ZBTB16: variants seen among roughly 807,000 people sequenced by gnomAD.
The protein encoded by ZBTB16 is zinc finger and BTB domain containing 16.
In ZBTB16, 8 loss-of-function variants were observed where a neutral mutation model predicts 56.8. That is an observed-to-expected ratio of 0.14 (90% confidence interval 0.08 to 0.25). The LOEUF is 0.25. Ranked by LOEUF, ZBTB16 falls within the 10% of genes least tolerant of loss-of-function variation. The pLI is 1.00. For synonymous variants in ZBTB16, 363 were observed against 368.5 expected, an observed-to-expected ratio of 0.98 and a Z score of 0.17; for missense variants, 625 against 903.0, an observed-to-expected ratio of 0.69 and a Z score of 3.95.
At position 114,242,269 on chromosome 11, in the gene ZBTB16, T is replaced by G; in HGVS notation, c.1556T>G (p.Ile519Ser). The change falls in exon 5 of 7, where the codon ATC becomes AGC. Residue 519 changes from isoleucine to serine, a missense_variant. Coordinates refer to ENST00000335953, the MANE Select transcript of ZBTB16 (RefSeq NM_006006.6). ...MEVHAGVRSY[I>S]CSECNRTFPS... Reference sequence around the variant, plus strand: ...GTCCACGCGGGCGTGCGCAGCTACATCTGCAGTGAGTGCAACCGCACCTTC... The same window carrying G: ...GTCCACGCGGGCGTGCGCAGCTACAGCTGCAGTGAGTGCAACCGCACCTTC... 1 of 1,614,114 alleles carries G rather than the reference T, an allele frequency of 6.2e-7. No individual in the cohort carries two copies. The highest frequency in any genetic ancestry group is 8.5e-7 in the Non-Finnish European group (1 of 1,180,042).
At chr11:114,249,040 A>C (rs1227943514) in intron 6 of ZBTB16, among the ~76,000 whole-genome samples, 1 of 152,096 alleles carries the variant, frequency 6.6e-6, no homozygotes, top group Non-Finnish European at 1.5e-5. Context: ...CTATGGAAGG[A>C]AAGTTGGGGT....
At position 114,212,849 on chromosome 11, in the gene ZBTB16, C is replaced by T. The variant is rs114245286; in HGVS notation, c.1453+25811C>T. On this transcript the variant is annotated intron_variant, in intron 4 of 6. Coordinates refer to ENST00000335953, the MANE Select transcript of ZBTB16 (RefSeq NM_006006.6). ...GCAGGCAGTCCGTGCTCACGTGTGC[C>T]GGAGGAATTGCTGTGGGTCCCTTTT... Among the ~76,000 whole-genome samples the T allele has an allele frequency of 4.5e-3, 691 of 152,082 alleles. 3 individuals are homozygous for T. The highest frequency in any genetic ancestry group is 0.016 in the African/African-American group (666 of 41,486).
At chr11:114,235,629 C>CTTTCTTTCTTTCTTTCTTTCTTT (rs1944551537) in intron 4 of ZBTB16, among the ~76,000 whole-genome samples, 5 of 97,792 alleles carry the variant, frequency 5.1e-5, no homozygotes, top group African/African-American at 4.2e-5. Context: ...CCTCTCCCTT[C>CTTTCTTTCTTTCTTTCTTTCTTT]CTTTCTTTCT....
intron 2 of ZBTB16, among the ~76,000 whole-genome samples, chr11:114,109,667 T>C (rs1051680876): frequency 3.8e-4 from 43 of 111,690 alleles, no homozygotes; most frequent in African/African-American, 1.4e-3. Context: ...AACTTGGGGG[T>C]GGGGGAGATA....
chr11:114,088,338 C>T (rs1940040687), intron 2 of ZBTB16, among the ~76,000 whole-genome samples: 1 of 152,006 alleles, frequency 6.6e-6, no homozygotes, highest in Admixed American at 6.6e-5. Flanking sequence ...GATGCGGTTT[C>T]GCCATGCTGG....
At chr11:114,150,836 G>A (rs1193193179) in intron 2 of ZBTB16, among the ~76,000 whole-genome samples, 4 of 152,268 alleles carry the variant, frequency 2.6e-5, no homozygotes, top group Middle Eastern at 3.4e-3. Context: ...TTGCTTTTGC[G>A]GCTGAGAGCA....
chr11:114,243,642 C>A (rs1944757349), intron 5 of ZBTB16, among the ~76,000 whole-genome samples: 1 of 152,228 alleles, frequency 6.6e-6, no homozygotes, highest in Admixed American at 6.5e-5. Flanking sequence ...CAAGGACTTT[C>A]TCTACAGCGA....
chr11:114,192,817 A>G (rs1175352674), intron 4 of ZBTB16, among the ~76,000 whole-genome samples: 2 of 152,208 alleles, frequency 1.3e-5, no homozygotes, highest in African/African-American at 4.8e-5. Flanking sequence ...CCACTCTGAG[A>G]GTTCTAATCT....
chr11:114,162,898 G>A (rs750083503), intron 3 of ZBTB16, among the ~76,000 whole-genome samples: 32 of 152,242 alleles, frequency 2.1e-4, no homozygotes, highest in Admixed American at 1.4e-3. Flanking sequence ...TCCCTACTCT[G>A]AATTTGGCTT....
chr11:114,119,629 G>C (rs967748289), intron 2 of ZBTB16, among the ~76,000 whole-genome samples: 1 of 152,180 alleles, frequency 6.6e-6, no homozygotes, highest in African/African-American at 2.4e-5. Context: ...GAAAACTTCT[G>C]TTTGGGTCTC....
chr11:114,200,502 A>T (rs1943713868), intron 4 of ZBTB16, among the ~76,000 whole-genome samples: 1 of 152,190 alleles, frequency 6.6e-6, no homozygotes, highest in Non-Finnish European at 1.5e-5. Flanking sequence ...GACACCACTA[A>T]GGGGGGCTTC....
intron 4 of ZBTB16, among the ~76,000 whole-genome samples, chr11:114,213,203 T>A (rs1944030272): frequency 6.6e-6 from 1 of 152,124 alleles, no homozygotes; most frequent in Non-Finnish European, 1.5e-5. Flanking sequence ...ACGTGAGGCC[T>A]TGATGAAATG....
At chr11:114,118,570 A>G (rs1280883099) in intron 2 of ZBTB16, among the ~76,000 whole-genome samples, 1 of 152,144 alleles carries the variant, frequency 6.6e-6, no homozygotes, top group Non-Finnish European at 1.5e-5. Context: ...TAATTTATTT[A>G]CCTATCTATC....
intron 2 of ZBTB16, among the ~76,000 whole-genome samples, chr11:114,096,873 TC>T: frequency 6.6e-6 from 1 of 152,350 alleles, no homozygotes; most frequent in South Asian, 2.1e-4. Flanking sequence ...AACGATGGAT[TC>T]CTTTTGAAAG....
rs993927530 is a variant in ZBTB16, at chr11:114,061,746, C to T, written c.-90-1465C>T. ...CCCTCTTATTGATCCCGAACAGGCT[C>T]TGGGAGAGGCCTTTGTTTCCCAGCC... On this transcript the variant is annotated intron_variant, in intron 1 of 6. Coordinates refer to ENST00000335953, the MANE Select transcript of ZBTB16 (RefSeq NM_006006.6). 2.6e-5 allele frequency among the ~76,000 whole-genome samples: 4 copies of T among 152,188 alleles called. No homozygotes were observed. The South Asian group carries it at 8.3e-4, about 31-fold the overall frequency.
chr11:114,156,312 A>T (rs369356903), intron 2 of ZBTB16, 25 bp from the exon 3 acceptor site: 7 of 1,613,066 alleles, frequency 4.3e-6, no homozygotes, highest in Non-Finnish European at 5.9e-6. Flanking sequence ...AGCAGCAGCA[A>T]CCTCTCTTTT....
chr11:114,207,632 G>A (rs1943913136), intron 4 of ZBTB16, among the ~76,000 whole-genome samples: 1 of 141,140 alleles, frequency 7.1e-6, no homozygotes, highest in South Asian at 2.2e-4. Flanking sequence ...CACACATATT[G>A]AGGCAGAGTT....
intron 2 of ZBTB16, among the ~76,000 whole-genome samples, chr11:114,113,701 AC>A (rs1345058844): frequency 3.9e-5 from 6 of 152,208 alleles, no homozygotes; most frequent in African/African-American, 1.4e-4. Flanking sequence ...TCTGTAAATG[AC>A]CTTTCTTTGA....
chr11:114,060,776 G>T lies in ZBTB16; in HGVS notation c.-91+894G>T, dbSNP rs1033599160. Among the ~76,000 whole-genome samples the T allele has an allele frequency of 6.6e-6, 1 of 152,036 alleles. No homozygotes were observed. The highest frequency in any genetic ancestry group is 2.4e-5 in the African/African-American group (1 of 41,410). On this transcript the variant is annotated intron_variant, in intron 1 of 6. Coordinates refer to ENST00000335953, the MANE Select transcript of ZBTB16 (RefSeq NM_006006.6). This position sits in a 1 kb window ranked among gnomAD's most constrained non-coding sequence, Gnocchi z 6.0. Reference sequence around the variant, plus strand: ...CGCTCGCCGCCTCCCCGAGACGCTCGCACCGTGCTTGGGCCGGGCGCGCTG... The same window carrying T: ...CGCTCGCCGCCTCCCCGAGACGCTCTCACCGTGCTTGGGCCGGGCGCGCTG...
Sources: allele counts gnomAD v4.1 joint callset (sites outside exome capture counted in the v4.1 genomes callset), GRCh38; gene constraint gnomAD v4.1.1; non-coding constraint Gnocchi (gnomAD v3.1); transcripts MANE v1.5; gene names NCBI Gene and HGNC (gene_info 2026-07-23, HGNC 2026-07-21).